Variants in MRTFA observed in about 807,000 individuals in gnomAD.
The protein encoded by MRTFA is myocardin-related transcription factor A.
A neutral mutation model predicts 83.5 loss-of-function variants in MRTFA; 20 were observed. The observed-to-expected ratio is 0.24, with a 90% CI of 0.17 to 0.35. The LOEUF (loss-of-function observed/expected upper bound fraction) is 0.35. Ranked by LOEUF, MRTFA falls within the 10% of genes least tolerant of loss-of-function variation. The pLI is 1.00. For synonymous variants in MRTFA, 659 were observed against 541.2 expected (o/e 1.22, Z -3.02); for missense variants, 1,200 against 1,224.7 (o/e 0.98, Z 0.30).
At chr22:40,424,447 T>G in intron 7 of MRTFA, 66 bp from the exon 8 acceptor site, 1 of 1,543,594 alleles carries the variant, frequency 6.5e-7, no homozygotes, top group Admixed American at 1.9e-5. Context: ...GGGACAGGCC[T>G]GGCTCGCAGG....
chr22:40,487,046 G>C (rs1361265828), intron 3 of MRTFA, among the ~76,000 whole-genome samples: 1 of 152,168 alleles, frequency 6.6e-6, no homozygotes, highest in Non-Finnish European at 1.5e-5. Context: ...ACTAACAAAA[G>C]AGTGTAAACT....
chr22:40,500,589 G>A (rs1313176172), intron 3 of MRTFA, among the ~76,000 whole-genome samples: 10 of 151,800 alleles, frequency 6.6e-5, no homozygotes, highest in East Asian at 1.9e-4. Flanking sequence ...GGGATTGGTG[G>A]TGACTCTTAA....
intron 2 of MRTFA, among the ~76,000 whole-genome samples, chr22:40,586,369 C>A (rs563017360): frequency 1.3e-5 from 2 of 151,916 alleles, no homozygotes; most frequent in South Asian, 4.2e-4. Flanking sequence ...CATGAAGATA[C>A]AAAGATTACT....
intron 1 of MRTFA, among the ~76,000 whole-genome samples, chr22:40,598,170 A>G (rs141356185): frequency 6.9e-4 from 105 of 152,256 alleles, no homozygotes; most frequent in African/African-American, 1.9e-3. Context: ...TTGTCAGACA[A>G]TGTTATTTTT....
chr22:40,595,400 TG>T (rs1207462144), intron 1 of MRTFA, among the ~76,000 whole-genome samples: 1 of 151,964 alleles, frequency 6.6e-6, no homozygotes, highest in Admixed American at 6.6e-5. Context: ...GGATTACAGG[TG>T]TGAGCCACCG....
chr22:40,595,373 A>G (rs1793816832), intron 1 of MRTFA, among the ~76,000 whole-genome samples: 1 of 151,970 alleles, frequency 6.6e-6, no homozygotes. Flanking sequence ...CACCTGCCTC[A>G]GCCTCCCAAA....
intron 3 of MRTFA, among the ~76,000 whole-genome samples, chr22:40,498,570 C>G (rs1399675603): frequency 6.6e-6 from 1 of 151,896 alleles, no homozygotes; most frequent in African/African-American, 2.4e-5. Context: ...TAAGCATGAG[C>G]CACTGTCCCC....
At chr22:40,462,550 A>G (rs2053733646) in intron 4 of MRTFA, among the ~76,000 whole-genome samples, 1 of 152,236 alleles carries the variant, frequency 6.6e-6, no homozygotes, top group African/African-American at 2.4e-5. Flanking sequence ...GGTCCGAAAG[A>G]TCAAAACCTC....
chr22:40,558,571 G>T (rs2055567216), intron 2 of MRTFA, among the ~76,000 whole-genome samples: 2 of 151,670 alleles, frequency 1.3e-5, no homozygotes, highest in Admixed American at 1.3e-4. Flanking sequence ...CCATCACATG[G>T]TATCAATATT....
intron 2 of MRTFA, among the ~76,000 whole-genome samples, chr22:40,588,471 CCA>C (rs1393459814): frequency 2.6e-5 from 4 of 152,108 alleles, no homozygotes. Context: ...CATCTCCCAC[CCA>C]CAGTCACTTA....
chr22:40,635,073 T>C (rs2056680225), intron 1 of MRTFA, among the ~76,000 whole-genome samples: 1 of 152,236 alleles, frequency 6.6e-6, no homozygotes, highest in Admixed American at 6.5e-5. Context: ...CAGTAATGGA[T>C]TGCTTCTTTC....
chr22:40,410,914 G>GGGGTT lies in MRTFA; in HGVS notation c.*471_*475dup. 4.3e-6 allele frequency: 1 copy of GGGGTT among 234,240 alleles called. No individual in the cohort carries two copies. Among genetic ancestry groups the GGGGTT allele is most frequent in the Non-Finnish European group, 8.4e-6 (1 of 119,308 alleles). 14.5% of individuals were successfully genotyped at this position (234,240 alleles called of 1,614,324 possible). ...AAATGGCAGGGAGCCCTGGGATCCT[G>GGGGTT]GGGTTGGCAGACACAGGGAATAGGG... is the stretch of plus-strand genomic sequence containing the variant. On this transcript the variant is annotated 3_prime_UTR_variant, in exon 15 of 15. Coordinates refer to ENST00000355630, the MANE Select transcript of MRTFA (RefSeq NM_020831.6).
At chr22:40,486,286 G>C (rs1300164505) in intron 3 of MRTFA, among the ~76,000 whole-genome samples, 2 of 152,158 alleles carry the variant, frequency 1.3e-5, no homozygotes, top group Non-Finnish European at 2.9e-5. Flanking sequence ...CTGCAAGCCC[G>C]AACAGGAAAT....
chr22:40,506,665 G>A (rs1289514853), intron 3 of MRTFA, among the ~76,000 whole-genome samples: 1 of 152,166 alleles, frequency 6.6e-6, no homozygotes, highest in Non-Finnish European at 1.5e-5. Flanking sequence ...AAATGGGGGG[G>A]TGATGAATCA....
At chr22:40,518,129 A>G (rs1425057098) in intron 3 of MRTFA, among the ~76,000 whole-genome samples, 1 of 152,138 alleles carries the variant, frequency 6.6e-6, no homozygotes, top group Non-Finnish European at 1.5e-5. Flanking sequence ...TTTATAATAA[A>G]TTGACAAATT....
Position 40,420,914 on chromosome 22 carries a change from G to A in MRTFA, c.1114C>T (p.Leu372=). ...TGCTGCTGCTGGTTGAGGATCTGCA[G>A]CTGGAGGAAGAGCTGCTGCTGCTGC... Residue 372 remains leucine, a synonymous_variant, in exon 10 of 15, where the codon CTG becomes TTG. Coordinates refer to ENST00000355630, the MANE Select transcript of MRTFA (RefSeq NM_020831.6). 6.2e-7 allele frequency: 1 copy of A among 1,614,206 alleles called. No homozygotes were observed. The highest frequency in any genetic ancestry group is 2.2e-5 in the East Asian group (1 of 44,880).
chr22:40,572,425 T>C (rs1188318384), intron 2 of MRTFA, among the ~76,000 whole-genome samples: 2 of 151,568 alleles, frequency 1.3e-5, no homozygotes, highest in African/African-American at 4.9e-5. Flanking sequence ...CAGTTTGCTA[T>C]AATCATGCCT....
At chr22:40,547,171 A>G (rs935578207) in intron 3 of MRTFA, among the ~76,000 whole-genome samples, 10 of 151,760 alleles carry the variant, frequency 6.6e-5, no homozygotes, top group Non-Finnish European at 1.3e-4. Flanking sequence ...TATATATAAA[A>G]TAAAATAAAA....
chr22:40,557,865 C>T (rs2049985880), intron 2 of MRTFA, among the ~76,000 whole-genome samples: 1 of 152,120 alleles, frequency 6.6e-6, no homozygotes, highest in African/African-American at 2.4e-5. Context: ...CCTCCACCTC[C>T]CGGCCTCAAG....
Sources: gnomAD v4.1 joint callset for allele counts (sites outside exome capture counted in the v4.1 genomes callset) on GRCh38, gnomAD v4.1.1 for gene constraint, MANE v1.5 for transcripts, NCBI Gene and HGNC (gene_info 2026-07-23, HGNC 2026-07-21) for gene names.